Variants in UXS1 observed in about 807,000 individuals in gnomAD.
UXS1 encodes the protein UDP-glucuronate decarboxylase 1.
A neutral mutation model predicts 62.6 loss-of-function variants in UXS1; 33 were observed. The ratio of observed to expected loss-of-function variants is 0.53; its 90% CI spans 0.40 to 0.70. The LOEUF (loss-of-function observed/expected upper bound fraction) is 0.70. Among genes scored for constraint, UXS1 ranks in the 30% least tolerant of loss-of-function variants. UXS1 has a pLI of 0.00. For synonymous variants in UXS1, 213 were observed against 206.8 expected (o/e 1.03, Z -0.26); for missense variants, 434 against 556.3 (o/e 0.78, Z 2.21).
chr2:106,097,871 C>T (rs1677249575), intron 13 of UXS1, among the ~76,000 whole-genome samples: 1 of 152,212 alleles, frequency 6.6e-6, no homozygotes, highest in Non-Finnish European at 1.5e-5. Flanking sequence ...ACAGATGATG[C>T]AGGCTATGTC....
At chr2:106,106,796 A>C (rs1357929890) in intron 10 of UXS1, among the ~76,000 whole-genome samples, 7 of 152,044 alleles carry the variant, frequency 4.6e-5, no homozygotes, top group Non-Finnish European at 1.5e-5. Context: ...TCAGCCTGGA[A>C]ACTCCCCTCT....
rs185404730 is a variant in UXS1, at chr2:106,143,211, A to G, written c.472+1979T>C. Among the ~76,000 whole-genome samples the G allele has an allele frequency of 2.3e-3, 346 of 151,860 alleles. 2 individuals carry two copies. Among genetic ancestry groups the G allele is most frequent in the Non-Finnish European group, 3.9e-3 (266 of 67,926 alleles). ...ATCATGAGGGCAGGAGATGGAGACC[A>G]TCCTGGCTAACAGGGTGAAACCCCG... On this transcript the variant is annotated intron_variant, in intron 6 of 14. Transcript: ENST00000283148.
chr2:106,111,806 A>C (rs958636619), intron 10 of UXS1, among the ~76,000 whole-genome samples: 2 of 152,182 alleles, frequency 1.3e-5, no homozygotes, highest in African/African-American at 4.8e-5. Flanking sequence ...ATGCCACAGG[A>C]TTTTCAGAGT....
At chr2:106,184,995 T>C (rs753755899) in intron 1 of UXS1, among the ~76,000 whole-genome samples, 1 of 152,198 alleles carries the variant, frequency 6.6e-6, no homozygotes, top group Non-Finnish European at 1.5e-5. Flanking sequence ...ATCTCTCTCA[T>C]GCTGCACAAA....
At chr2:106,125,782 T>A (rs1679888669) in intron 7 of UXS1, 103 bp from the exon 8 acceptor site, 1 of 978,410 alleles carries the variant, frequency 1.0e-6, no homozygotes, top group Non-Finnish European at 1.5e-6. Flanking sequence ...GACATTTAAT[T>A]ATCTATCCAA....
chr2:106,188,758 T>C (rs1684737003), intron 1 of UXS1, among the ~76,000 whole-genome samples: 1 of 151,876 alleles, frequency 6.6e-6, no homozygotes, highest in South Asian at 2.1e-4. Flanking sequence ...CCCTACAGAG[T>C]CCCCCACTCT....
intron 14 of UXS1, among the ~76,000 whole-genome samples, chr2:106,095,584 G>A (rs923385851): frequency 2.6e-5 from 4 of 152,222 alleles, no homozygotes; most frequent in Non-Finnish European, 4.4e-5. Context: ...GCCATGCCAA[G>A]ATGCTCCTAC....
intron 4 of UXS1, among the ~76,000 whole-genome samples, chr2:106,162,350 T>C (rs548512938): frequency 1.3e-5 from 2 of 152,348 alleles, no homozygotes; most frequent in African/African-American, 2.4e-5. Context: ...ATCAAAGAGA[T>C]TGCATAATTC....
intron 4 of UXS1, chr2:106,160,507 C>A (rs1682815492): frequency 6.6e-6 from 1 of 152,256 alleles, no homozygotes. Context: ...AATATAGCTA[C>A]ATATGGGAAA....
At chr2:106,108,917 T>C (rs1678335180) in intron 10 of UXS1, among the ~76,000 whole-genome samples, 1 of 152,188 alleles carries the variant, frequency 6.6e-6, no homozygotes, top group Non-Finnish European at 1.5e-5. Flanking sequence ...AGAACCCTGC[T>C]AAGTCAGTTT....
chr2:106,167,601 A>G (rs183674772), intron 1 of UXS1, among the ~76,000 whole-genome samples: 37 of 152,332 alleles, frequency 2.4e-4, no homozygotes, highest in East Asian at 1.9e-3. Context: ...AGAGGAGAAA[A>G]CTTGGTTTAA....
At chr2:106,165,232 C>G (rs1573548064) in intron 2 of UXS1, among the ~76,000 whole-genome samples, 2 of 152,288 alleles carry the variant, frequency 1.3e-5, no homozygotes, top group South Asian at 2.1e-4. Context: ...ACACAGCAGC[C>G]TTTGTCAGGA....
chr2:106,101,979 C>T (rs1677636339), intron 11 of UXS1: 2 of 152,228 alleles, frequency 1.3e-5, no homozygotes, highest in South Asian at 2.1e-4. Flanking sequence ...CCTCCTCCAT[C>T]GTTACCAGTG....
intron 10 of UXS1, among the ~76,000 whole-genome samples, chr2:106,105,928 C>T (rs1435494388): frequency 1.3e-5 from 2 of 152,130 alleles, no homozygotes. Context: ...GGGTCTCTTC[C>T]CGCCTGACAG....
intron 10 of UXS1, among the ~76,000 whole-genome samples, chr2:106,110,343 G>A (rs1291866601): frequency 3.3e-5 from 5 of 152,152 alleles, no homozygotes; most frequent in African/African-American, 4.8e-5. Flanking sequence ...TGCCAACAAT[G>A]CATGCATTCT....
rs557832705 is a variant in UXS1, at chr2:106,188,775, T to C, written c.94+5373A>G. On this transcript the variant is annotated intron_variant, in intron 1 of 14. Transcript: ENST00000283148. ...CTACAGAGTCCCCCACTCTTAAACATGGGCAGGCCATCTGAGGAGAGCCTC... is the reference window on the plus strand; with the variant it reads ...CTACAGAGTCCCCCACTCTTAAACACGGGCAGGCCATCTGAGGAGAGCCTC... Among the ~76,000 whole-genome samples the C allele has an allele frequency of 6.6e-5, 10 of 152,270 alleles. No individual in the cohort carries two copies. The South Asian group carries it at 2.1e-3, about 32-fold the overall frequency.
intron 1 of UXS1, among the ~76,000 whole-genome samples, chr2:106,171,600 T>C (rs1683562887): frequency 6.6e-6 from 1 of 152,184 alleles, no homozygotes; most frequent in African/African-American, 2.4e-5. Flanking sequence ...ATAGCCTGAG[T>C]CCCTGAATGC....
At chr2:106,191,677 T>C (rs1684944935) in intron 1 of UXS1, among the ~76,000 whole-genome samples, 1 of 152,240 alleles carries the variant, frequency 6.6e-6, no homozygotes, top group Admixed American at 6.5e-5. Context: ...TTTGCATTCC[T>C]AGAATACTGC....
At chr2:106,173,183 T>C (rs985642953) in intron 1 of UXS1, among the ~76,000 whole-genome samples, 1 of 152,188 alleles carries the variant, frequency 6.6e-6, no homozygotes, top group Non-Finnish European at 1.5e-5. Flanking sequence ...CAGACGAACA[T>C]AGTATGTGCT....
Sources: allele counts gnomAD v4.1 joint callset (sites outside exome capture counted in the v4.1 genomes callset), GRCh38; gene constraint gnomAD v4.1.1; transcripts MANE v1.5; gene names NCBI Gene and HGNC (gene_info 2026-07-23, HGNC 2026-07-21).